The following NXNL2 variants were observed in gnomAD, a reference collection of about 807,000 sequenced individuals.
The protein encoded by NXNL2 is nucleoredoxin like 2.
Under a neutral mutation model 11.1 loss-of-function variants are expected in NXNL2, and 7 were observed. That is an observed-to-expected ratio of 0.63 (90% CI 0.36 to 1.18). The LOEUF is 1.18. Ranked by LOEUF, NXNL2 falls within the 50% of genes most tolerant of loss-of-function variation. The probability of loss-of-function intolerance (pLI) is 0.02; values close to 1 mark genes in which losing one functional copy is unlikely to be tolerated. For missense variants in NXNL2, 233 were observed against 217.7 expected (o/e 1.07, Z -0.44); for synonymous variants, 109 against 101.8 (o/e 1.07, Z -0.42).
chr9:88,573,274 G>A lies in NXNL2; in HGVS notation c.*17-1813G>A, dbSNP rs888772898. 3.1e-4 allele frequency among the ~76,000 whole-genome samples: 47 copies of A among 152,216 alleles called. 1 individual carries two copies. Among genetic ancestry groups the A allele is most frequent in the Non-Finnish European group, 8.8e-5 (6 of 68,014 alleles). On this transcript the variant is annotated intron_variant, in intron 2 of 2. Transcript: ENST00000375855. ...TCCTCCTACCTCAGCCTCCCGGAGAGCTGGGACTACAGGTATGCACCACCA... is the reference window on the plus strand; with the variant it reads ...TCCTCCTACCTCAGCCTCCCGGAGAACTGGGACTACAGGTATGCACCACCA...
exon 3 of NXNL2, chr9:88,575,731 C>T (rs1314636706): frequency 6.6e-6 from 1 of 152,170 alleles, no homozygotes; most frequent in Admixed American, 6.5e-5. Context: ...TTTAATTGTA[C>T]ATTTAAAAAT....
intron 1 of NXNL2, among the ~76,000 whole-genome samples, chr9:88,563,132 A>T (rs1830109913): frequency 6.6e-6 from 1 of 152,186 alleles, no homozygotes; most frequent in Non-Finnish European, 1.5e-5. Context: ...GGCTTACCAC[A>T]TATGGGGTCT....
downstream of NXNL2, among the ~76,000 whole-genome samples, chr9:88,548,468 C>G (rs575143037): frequency 7.1e-6 from 1 of 141,694 alleles, no homozygotes; most frequent in Admixed American, 7.2e-5. Context: ...TGGAGACCAT[C>G]CTGGCTAATA....
intron 1 of NXNL2, among the ~76,000 whole-genome samples, chr9:88,542,134 G>C (rs1163631415): frequency 6.6e-6 from 1 of 151,678 alleles, no homozygotes; most frequent in Non-Finnish European, 1.5e-5. Flanking sequence ...TCGGGAGGCT[G>C]AGGCAGGAGA....
intron 1 of NXNL2, among the ~76,000 whole-genome samples, chr9:88,566,522 C>G (rs1273969378): frequency 6.6e-6 from 1 of 152,096 alleles, no homozygotes; most frequent in Non-Finnish European, 1.5e-5. Flanking sequence ...AGGCTGGTCT[C>G]AAACTCCTGA....
At chr9:88,559,884 T>A (rs1235255750) in intron 1 of NXNL2, among the ~76,000 whole-genome samples, 1 of 152,154 alleles carries the variant, frequency 6.6e-6, no homozygotes, top group African/African-American at 2.4e-5. Context: ...AGTCAGCCTG[T>A]CCTGAGAACG....
chr9:88,555,173 G>A (rs1829992577), intron 1 of NXNL2, among the ~76,000 whole-genome samples: 1 of 152,218 alleles, frequency 6.6e-6, no homozygotes, highest in Non-Finnish European at 1.5e-5. Context: ...CAGAGAGAGT[G>A]AGAGCAAGTT....
At chr9:88,582,258 C>A (rs1217608527) in intron 1 of NXNL2, among the ~76,000 whole-genome samples, 1 of 152,116 alleles carries the variant, frequency 6.6e-6, no homozygotes, top group African/African-American at 2.4e-5. Flanking sequence ...GTGGGCGGAT[C>A]ACGAGGTCAG....
downstream of NXNL2, among the ~76,000 whole-genome samples, chr9:88,577,763 A>G (rs1333337905): frequency 6.6e-6 from 1 of 152,160 alleles, no homozygotes; most frequent in East Asian, 1.9e-4. Flanking sequence ...CTCTAATCCA[A>G]TATGTCCTTC....
At chr9:88,581,894 T>A (rs1830412170) in intron 1 of NXNL2, among the ~76,000 whole-genome samples, 1 of 152,252 alleles carries the variant, frequency 6.6e-6, no homozygotes, top group African/African-American at 2.4e-5. Context: ...GTTCTGTTTT[T>A]CAAGGTGAGC....
chr9:88,548,705 A>G (rs1321474105), downstream of NXNL2, among the ~76,000 whole-genome samples: 1 of 145,326 alleles, frequency 6.9e-6, no homozygotes, highest in East Asian at 2.3e-4. Context: ...AAAAAAAGGA[A>G]TTATCTTATC....
intron 1 of NXNL2, among the ~76,000 whole-genome samples, chr9:88,552,175 G>A (rs1010393810): frequency 6.6e-6 from 1 of 152,078 alleles, no homozygotes; most frequent in African/African-American, 2.4e-5. Flanking sequence ...ACGCTTGTGT[G>A]TCTGTGGAGT....
At position 88,552,477 on chromosome 9, in the gene NXNL2, T is replaced by G. The variant is rs868417696; in HGVS notation, c.302+16741T>G. ...TTTTCTGCTTTAAACATGCATGTTT[T>G]TTTTTTTTTTTTTGAGATGGAGTCT... is the stretch of plus-strand genomic sequence containing the variant. On this transcript the variant is annotated intron_variant, in intron 1 of 2. Transcript: ENST00000375855. 8.7e-3 allele frequency among the ~76,000 whole-genome samples: 1,212 copies of G among 138,852 alleles called. 28 individuals carry two copies. The highest frequency in any genetic ancestry group is 0.038 in the African/African-American group (1,158 of 30,632). 91.1% of individuals were successfully genotyped at this position (138,852 alleles called of 152,430 possible).
At chr9:88,545,761 G>T (rs1829837068), downstream of NXNL2, among the ~76,000 whole-genome samples, 1 of 151,892 alleles carries the variant, frequency 6.6e-6, no homozygotes, top group Non-Finnish European at 1.5e-5. Context: ...ATTTAATTAT[G>T]GCTTTTTCTT....
At position 88,544,571 on chromosome 9, in the gene NXNL2, A is replaced by G; in HGVS notation, c.*24A>G. ...GAAGTGGGAGGGACCTCAGAGGGCCAGGACAGGTGCTGCTTCTCCAGCACC... is the reference window on the plus strand; with the variant it reads ...GAAGTGGGAGGGACCTCAGAGGGCCGGGACAGGTGCTGCTTCTCCAGCACC... On this transcript the variant is annotated 3_prime_UTR_variant, in exon 2 of 2. Coordinates refer to ENST00000375854, the MANE Select transcript of NXNL2 (RefSeq NM_001161625.2). 6.6e-7 allele frequency: 1 copy of G among 1,503,768 alleles called. No homozygotes were observed. The highest frequency in any genetic ancestry group is 8.9e-7 in the Non-Finnish European group (1 of 1,122,006). The allele number at this position is 1,503,768 out of a possible 1,614,324, so 93.2% of individuals were successfully genotyped here.
downstream of NXNL2, among the ~76,000 whole-genome samples, chr9:88,578,387 G>A (rs1311342180): frequency 6.6e-6 from 1 of 152,246 alleles, no homozygotes. Flanking sequence ...TTGGACAAAT[G>A]TGTGAATTTG....
At chr9:88,548,339 C>CAAA (rs60796870), downstream of NXNL2, among the ~76,000 whole-genome samples, 36 of 31,060 alleles carry the variant, frequency 1.2e-3, 2 homozygotes, top group African/African-American at 2.7e-3. Flanking sequence ...GACTTTTTCT[C>CAAA]AAAAAAAAAA....
Position 88,557,414 on chromosome 9 carries a change from C to T in NXNL2, c.303-13673C>T, listed in dbSNP as rs115376342. Among the ~76,000 whole-genome samples, 1,149 of 152,302 alleles carry T rather than the reference C, an allele frequency of 7.5e-3. 16 individuals are homozygous for T. Among genetic ancestry groups the T allele is most frequent in the African/African-American group, 0.026 (1,067 of 41,556 alleles). On this transcript the variant is annotated intron_variant, in intron 1 of 2. Transcript: ENST00000375855. ...ATTTTCCTAGTGGAGGCTCCTGCAC[C>T]AGAGTCAGGATTTCTGCAGAGATCA... is the stretch of plus-strand genomic sequence containing the variant.
chr9:88,544,319 G>A (rs552871536), intron 1 of NXNL2, 60 bp from the exon 2 acceptor site: 30 of 1,442,768 alleles, frequency 2.1e-5, no homozygotes, highest in East Asian at 7.7e-5. Context: ...GGGAGGGGGC[G>A]TGTCCCTTCA....
Sources: gnomAD v4.1 joint callset for allele counts (sites outside exome capture counted in the v4.1 genomes callset) on GRCh38, gnomAD v4.1.1 for gene constraint, MANE v1.5 for transcripts, NCBI Gene and HGNC (gene_info 2026-07-23, HGNC 2026-07-21) for gene names.